SEMA3D: variants seen among roughly 807,000 people sequenced by gnomAD.
The protein encoded by SEMA3D is semaphorin 3D, also known as semaphorin-3D.
A neutral mutation model predicts 100.1 loss-of-function variants in SEMA3D; 84 were observed. The ratio of observed to expected loss-of-function variants is 0.84; its 90% CI spans 0.70 to 1.01. The LOEUF (loss-of-function observed/expected upper bound fraction) is 1.01. Ranked by LOEUF, SEMA3D falls within the 50% of genes least tolerant of loss-of-function variation. The pLI is 0.00. For synonymous variants in SEMA3D, 312 were observed against 320.7 expected, an observed-to-expected ratio of 0.97 and a Z score of 0.29; for missense variants, 875 against 934.1, an observed-to-expected ratio of 0.94 and a Z score of 0.82.
At chr7:85,129,111 G>C (rs1422338361) in intron 2 of SEMA3D, among the ~76,000 whole-genome samples, 2 of 151,604 alleles carry the variant, frequency 1.3e-5, no homozygotes, top group African/African-American at 4.8e-5. Context: ...GTCTGCTCTT[G>C]AACTCCTGGC....
chr7:85,116,544 A>C (rs1789251183), intron 3 of SEMA3D, among the ~76,000 whole-genome samples: 1 of 151,218 alleles, frequency 6.6e-6, no homozygotes, highest in Non-Finnish European at 1.5e-5. Context: ...CTTTGCTCAG[A>C]TATATTTTGT....
intron 9 of SEMA3D, among the ~76,000 whole-genome samples, chr7:85,042,790 T>G (rs1562794548): frequency 2.6e-5 from 4 of 152,090 alleles, no homozygotes. Context: ...CCTTCCACAT[T>G]AGCCTCCTAA....
intron 4 of SEMA3D, among the ~76,000 whole-genome samples, chr7:85,083,669 C>G (rs1408214344): frequency 1.4e-5 from 2 of 141,468 alleles, no homozygotes; most frequent in Non-Finnish European, 3.1e-5. Context: ...ACGGTGAAAC[C>G]CCGTCTCTAC....
chr7:85,188,160 A>G (rs1791614219), upstream of SEMA3D, among the ~76,000 whole-genome samples: 1 of 152,216 alleles, frequency 6.6e-6, no homozygotes, highest in Admixed American at 6.5e-5. Flanking sequence ...TCTTCATTTG[A>G]CCTTTTATCT....
At chr7:85,132,247 G>A (rs1348276861) in intron 2 of SEMA3D, among the ~76,000 whole-genome samples, 1 of 151,630 alleles carries the variant, frequency 6.6e-6, no homozygotes, top group Non-Finnish European at 1.5e-5. Flanking sequence ...TTCATAAATA[G>A]CAAGAAAACA....
rs915406729 is a variant in SEMA3D, at chr7:85,042,298, A to G, written c.862-13T>C. The G allele has an allele frequency of 1.3e-6, 2 of 1,551,798 alleles. No homozygotes were observed. The highest frequency in any genetic ancestry group is 2.2e-5 in the East Asian group (1 of 44,530). ...CTCCTACATCATTCTGACATGAAAA[A>G]AAAAATAAAGATAAATATTTATCAA... On this transcript the variant is annotated splice_polypyrimidine_tract_variant and intron_variant, in intron 9 of 18. Transcript: ENST00000284136.
At chr7:85,202,540 C>A in the SEMA3D span, among the ~76,000 whole-genome samples, 1 of 152,072 alleles carries the variant, frequency 6.6e-6, no homozygotes, top group African/African-American at 2.4e-5. Flanking sequence ...AAACTACCAT[C>A]AGAGTGAACA....
At chr7:85,199,932 G>A in the SEMA3D span, among the ~76,000 whole-genome samples, 3 of 152,128 alleles carry the variant, frequency 2.0e-5, no homozygotes, top group African/African-American at 7.2e-5. Flanking sequence ...TACGAGATCT[G>A]ATGGTTTTAG....
intron 2 of SEMA3D, among the ~76,000 whole-genome samples, chr7:85,153,327 A>G (rs1013309397): frequency 7.9e-5 from 12 of 152,312 alleles, no homozygotes; most frequent in Middle Eastern, 3.4e-3. Context: ...AGAGTCATTA[A>G]GATGATACAG....
chr7:85,163,887 G>A (rs1790816878), intron 1 of SEMA3D, among the ~76,000 whole-genome samples: 1 of 152,050 alleles, frequency 6.6e-6, no homozygotes, highest in South Asian at 2.1e-4. Context: ...CTTGAACTGA[G>A]TAAAGTTACA....
rs71082183 is a variant in SEMA3D, at chr7:85,033,858, T to TACACACACACACACACAC, written c.1191+3013_1191+3030dup. Among the ~76,000 whole-genome samples the TACACACACACACACACAC allele has an allele frequency of 8.1e-4, 115 of 141,186 alleles. 1 individual carries two copies. The highest frequency in any genetic ancestry group is 3.5e-3 in the Middle Eastern group (1 of 282). The allele number at this position is 141,186 out of a possible 152,430, so 92.6% of individuals were successfully genotyped here. A position where few individuals can be genotyped will look rare whatever the true frequency, so the allele number is the denominator to read the frequency against. On this transcript the variant is annotated intron_variant, in intron 12 of 18. Coordinates refer to ENST00000284136, the MANE Select transcript of SEMA3D (RefSeq NM_001384900.1). ...GTTTTCCCAATTTTAATCACACACA[T>TACACACACACACACACAC]ACACACACACACACACACACACACA...
At chr7:85,218,197 A>C in the SEMA3D span, among the ~76,000 whole-genome samples, 29 of 152,192 alleles carry the variant, frequency 1.9e-4, no homozygotes, top group African/African-American at 6.7e-4. Context: ...TTAATTGGAT[A>C]AAAAAGGCAG....
chr7:85,102,231 A>T (rs1385965721), intron 3 of SEMA3D, among the ~76,000 whole-genome samples: 1 of 152,022 alleles, frequency 6.6e-6, no homozygotes, highest in African/African-American at 2.4e-5. Flanking sequence ...GAGAGGAAAC[A>T]CATAAAGAAA....
chr7:85,169,541 T>C (rs982372337), intron 1 of SEMA3D, among the ~76,000 whole-genome samples: 1 of 151,798 alleles, frequency 6.6e-6, no homozygotes, highest in Non-Finnish European at 1.5e-5. Context: ...AAAATGTCCA[T>C]CCTTCCATCT....
At chr7:85,198,352 T>G in the SEMA3D span, among the ~76,000 whole-genome samples, 1 of 152,086 alleles carries the variant, frequency 6.6e-6, no homozygotes, top group African/African-American at 2.4e-5. Context: ...AGCTTATTGA[T>G]TCTTGTGTGT....
chr7:85,013,746 C>A (rs759169898), intron 16 of SEMA3D, among the ~76,000 whole-genome samples: 2 of 151,836 alleles, frequency 1.3e-5, no homozygotes, highest in South Asian at 4.1e-4. Flanking sequence ...GGGAAAACAT[C>A]ACAGTGGCAT....
At chr7:85,193,476 A>T in the SEMA3D span, among the ~76,000 whole-genome samples, 99,678 of 151,920 alleles carry the variant, frequency 0.66, 33,301 homozygotes, top group East Asian at 0.92. Flanking sequence ...TCGTTGGCAA[A>T]GCTACCTTCA....
the SEMA3D span, among the ~76,000 whole-genome samples, chr7:85,226,348 T>C: frequency 6.6e-6 from 1 of 152,150 alleles, no homozygotes; most frequent in African/African-American, 2.4e-5. Context: ...CAGGTAAAAA[T>C]ACTAATAACT....
At chr7:85,055,883 A>T in intron 8 of SEMA3D, 24 bp from the exon 9 acceptor site, 1 of 1,371,028 alleles carries the variant, frequency 7.3e-7, no homozygotes, top group African/African-American at 1.5e-5. Flanking sequence ...AAGAAGCTAT[A>T]AATTAAGATA....
Sources: gnomAD v4.1 joint callset for allele counts (sites outside exome capture counted in the v4.1 genomes callset) on GRCh38, gnomAD v4.1.1 for gene constraint, MANE v1.5 for transcripts, NCBI Gene and HGNC (gene_info 2026-07-23, HGNC 2026-07-21) for gene names.